Variants in C12orf42 observed in about 807,000 individuals in gnomAD.
C12orf42 encodes the protein chromosome 12 open reading frame 42, also known as uncharacterized protein C12orf42.
In C12orf42, 25 loss-of-function variants were observed where a neutral mutation model predicts 21.6. That is an observed-to-expected ratio of 1.16 (90% CI 0.84 to 1.62). The LOEUF (loss-of-function observed/expected upper bound fraction) is 1.62. Among genes scored for constraint, C12orf42 ranks in the 40% most tolerant of loss-of-function variants. The pLI is 0.00. For missense variants in C12orf42, 483 were observed against 459.3 expected, an observed-to-expected ratio of 1.05 and a Z score of -0.47; for synonymous variants, 174 against 175.0, an observed-to-expected ratio of 0.99 and a Z score of 0.05.
chr12:103,368,817 T>C (rs1195391505), intron 4 of C12orf42, 70 bp downstream of exon 4: 6 of 766,372 alleles, frequency 7.8e-6, no homozygotes, highest in Non-Finnish European at 1.3e-5. Flanking sequence ...ATCTTTATGA[T>C]TATTACCTGT....
the C12orf42 span, among the ~76,000 whole-genome samples, chr12:103,120,258 C>T: frequency 6.6e-6 from 1 of 152,200 alleles, no homozygotes; most frequent in Admixed American, 6.5e-5. Context: ...CCATATAAGA[C>T]ATAATAGAAG....
chr12:103,254,775 G>A (rs2034475288), intron 10 of C12orf42, among the ~76,000 whole-genome samples: 1 of 152,112 alleles, frequency 6.6e-6, no homozygotes, highest in African/African-American at 2.4e-5. Flanking sequence ...ATTGTGTGGG[G>A]AAGGGAGACC....
intron 3 of C12orf42, among the ~76,000 whole-genome samples, chr12:103,377,234 T>C (rs1412512915): frequency 6.6e-6 from 1 of 151,948 alleles, no homozygotes; most frequent in African/African-American, 2.4e-5. Flanking sequence ...TTCTCTCTTC[T>C]GCTTGTTTTC....
chr12:103,423,899 A>T (rs1055554985), intron 2 of C12orf42, among the ~76,000 whole-genome samples: 25 of 152,284 alleles, frequency 1.6e-4, no homozygotes, highest in Non-Finnish European at 2.8e-4. Context: ...ACTGAAATTT[A>T]TAAATAAGCC....
chr12:103,155,711 C>A, the C12orf42 span, among the ~76,000 whole-genome samples: 2 of 79,568 alleles, frequency 2.5e-5, no homozygotes, highest in African/African-American at 5.2e-5. Context: ...TGTATATATA[C>A]ATATACAAGT....
chr12:103,420,719 C>T (rs987793030), intron 2 of C12orf42, among the ~76,000 whole-genome samples: 1 of 152,124 alleles, frequency 6.6e-6, no homozygotes, highest in East Asian at 1.9e-4. Context: ...CAGGGTTTCA[C>T]TATGTTGGCC....
the C12orf42 span, among the ~76,000 whole-genome samples, chr12:103,507,103 TAATATAA>T: frequency 4.0e-4 from 6 of 15,170 alleles, no homozygotes; most frequent in African/African-American, 3.3e-3. Flanking sequence ...ATTATATATA[TAATATAA>T]ATATATATTT....
the C12orf42 span, among the ~76,000 whole-genome samples, chr12:103,214,491 A>G: frequency 6.6e-6 from 1 of 152,220 alleles, no homozygotes; most frequent in African/African-American, 2.4e-5. Flanking sequence ...CAGCTCAGTT[A>G]TCCCCGCACG....
At chr12:103,421,775 A>T (rs1049024400) in intron 2 of C12orf42, among the ~76,000 whole-genome samples, 2 of 152,164 alleles carry the variant, frequency 1.3e-5, no homozygotes, top group African/African-American at 4.8e-5. Flanking sequence ...AGGAATAAAG[A>T]TCTGATGTCT....
chr12:103,320,896 T>A (rs566003027), intron 4 of C12orf42, among the ~76,000 whole-genome samples: 125 of 151,732 alleles, frequency 8.2e-4, no homozygotes, highest in African/African-American at 2.5e-3. Context: ...ATACCTTTTT[T>A]AAAAAAAAAT....
chr12:103,490,978 T>C (rs540877502), intron 1 of C12orf42, among the ~76,000 whole-genome samples: 1 of 152,278 alleles, frequency 6.6e-6, no homozygotes, highest in South Asian at 2.1e-4. Flanking sequence ...CATTAGCATC[T>C]ATATGCCTGC....
chr12:103,522,528 C>A, the C12orf42 span, among the ~76,000 whole-genome samples: 1 of 152,186 alleles, frequency 6.6e-6, no homozygotes, highest in East Asian at 1.9e-4. Flanking sequence ...AGCCAGCCAT[C>A]CTGACACACG....
the C12orf42 span, among the ~76,000 whole-genome samples, chr12:103,063,421 T>C: frequency 1.3e-5 from 2 of 152,128 alleles, no homozygotes; most frequent in African/African-American, 4.8e-5. Context: ...GACGTGCAAC[T>C]TGGAATGGGG....
chr12:103,136,164 A>G, the C12orf42 span, among the ~76,000 whole-genome samples: 1 of 152,344 alleles, frequency 6.6e-6, no homozygotes, highest in East Asian at 1.9e-4. Flanking sequence ...ACTTCACAAA[A>G]AAACCTCTTA....
rs991880060 is a variant in C12orf42, at chr12:103,334,262, C to T, written c.260-27917G>A. Among the ~76,000 whole-genome samples, 5 of 152,242 alleles carry T rather than the reference C, an allele frequency of 3.3e-5. No homozygotes were observed. The South Asian group carries it at 8.3e-4, about 25-fold the overall frequency. On this transcript the variant is annotated intron_variant, in intron 4 of 5. Transcript: ENST00000548883. ...AGATTGGCGTATCCTGAGTTTAAACCAGCTCTTATCTTAACTTGCCTATGT... is the reference window on the plus strand; with the variant it reads ...AGATTGGCGTATCCTGAGTTTAAACTAGCTCTTATCTTAACTTGCCTATGT...
At chr12:103,310,616 T>C (rs2038886619) in intron 4 of C12orf42, among the ~76,000 whole-genome samples, 1 of 152,350 alleles carries the variant, frequency 6.6e-6, no homozygotes, top group Non-Finnish European at 1.5e-5. Flanking sequence ...CCTCCTTTCA[T>C]AGAATCTTCA....
chr12:103,171,311 G>A, the C12orf42 span, among the ~76,000 whole-genome samples: 1 of 152,098 alleles, frequency 6.6e-6, no homozygotes, highest in Non-Finnish European at 1.5e-5. Flanking sequence ...CCTTCCTAGA[G>A]AGTAACTTCT....
chr12:103,472,322 G>A (rs922519979), intron 2 of C12orf42, among the ~76,000 whole-genome samples: 6 of 151,926 alleles, frequency 3.9e-5, no homozygotes, highest in African/African-American at 1.2e-4. Context: ...CCAAAGTGCT[G>A]GAATTACAGG....
chr12:103,110,586 TTTTTTAA>T, the C12orf42 span, among the ~76,000 whole-genome samples: 1 of 152,154 alleles, frequency 6.6e-6, no homozygotes, highest in South Asian at 2.1e-4. Flanking sequence ...TTTCTGAGCT[TTTTTTAA>T]GGTTTGAAAT....
Sources: allele counts gnomAD v4.1 joint callset (sites outside exome capture counted in the v4.1 genomes callset), GRCh38; gene constraint gnomAD v4.1.1; transcripts MANE v1.5; gene names NCBI Gene and HGNC (gene_info 2026-07-23, HGNC 2026-07-21).